The following AGRN variants were observed in gnomAD, a reference collection of about 807,000 sequenced individuals.
The protein encoded by AGRN is agrin proteoglycan.
AGRN carries 106 observed loss-of-function variants against 211.0 expected under a neutral mutation model. That is an observed-to-expected ratio of 0.50 (90% confidence interval 0.43 to 0.59). The LOEUF (loss-of-function observed/expected upper bound fraction) is 0.59. Among genes scored for constraint, AGRN ranks in the 20% least tolerant of loss-of-function variants. AGRN has a pLI of 0.00. For missense variants in AGRN, 3,040 were observed against 2,982.6 expected (o/e 1.02, Z -0.45); for synonymous variants, 1,525 against 1,332.5 (o/e 1.14, Z -3.15).
In AGRN at chr1:1,045,474, C is replaced by T; in HGVS notation, c.2487C>T (p.Gly829=). ...GGLRCDRCEP[G]FWNFRGIVTD... ...TCAGGTGTGACCGCTGTGAGCCTGG[C>T]TTCTGGAACTTTCGAGGCATCGTCA... Residue 829 remains glycine, a synonymous_variant, in exon 14 of 36, where the codon GGC becomes GGT. Transcript: ENST00000379370. 6.2e-7 allele frequency: 1 copy of T among 1,612,958 alleles called. No homozygotes were observed. The highest frequency in any genetic ancestry group is 8.5e-7 in the Non-Finnish European group (1 of 1,179,962).
intron 3 of AGRN, among the ~76,000 whole-genome samples, chr1:1,039,411 T>TGGCG (rs71576591): frequency 2.0e-5 from 3 of 148,436 alleles, no homozygotes; most frequent in African/African-American, 5.0e-5. Context: ...TCCTTGGAGA[T>TGGCG]GGGGGGGGTT....
intron 30 of AGRN, 41 bp from the exon 31 acceptor site, chr1:1,051,212 T>C (rs2100687207): frequency 6.4e-7 from 1 of 1,563,314 alleles, no homozygotes. Context: ...GTCTGCACCG[T>C]GGGTGGGCTC....
chr1:1,027,558 A>G (rs1468276508), intron 2 of AGRN, among the ~76,000 whole-genome samples: 1 of 152,232 alleles, frequency 6.6e-6, no homozygotes, highest in African/African-American at 2.4e-5. Context: ...CAAAGGGCCC[A>G]GGACCTTCTG....
Position 1,032,388 on chromosome 1 carries a change from G to A in AGRN, c.464-2889G>A, listed in dbSNP as rs1454882793. Among the ~76,000 whole-genome samples the A allele has an allele frequency of 1.3e-5, 2 of 152,182 alleles. No individual in the cohort carries two copies. Among genetic ancestry groups the A allele is most frequent in the African/African-American group, 4.8e-5 (2 of 41,426 alleles). On this transcript the variant is annotated intron_variant, in intron 2 of 35. Transcript: ENST00000379370. The surrounding 1 kb of genome is among the most constrained non-coding windows in gnomAD (Gnocchi z 4.7). Reference sequence around the variant, plus strand: ...CCTTCCCAGCTAAGGTGGGGTTGGTGGGATTTGGCTGGGGCCCTTGGAGGA... The same window carrying A: ...CCTTCCCAGCTAAGGTGGGGTTGGTAGGATTTGGCTGGGGCCCTTGGAGGA...
At chr1:1,041,023 GGGC>G (rs2100631424) in intron 4 of AGRN, 143 bp downstream of exon 4, 1 of 485,088 alleles carries the variant, frequency 2.1e-6, no homozygotes, top group African/African-American at 2.7e-5. Context: ...GGGGCCTGGG[GGGC>G]GGAGCGGGGC....
Position 1,051,485 on chromosome 1 carries a change from G to T in AGRN, c.5403G>T (p.Pro1801=). The T allele has an allele frequency of 6.4e-7, 1 of 1,570,314 alleles. No individual in the cohort carries two copies. The highest frequency in any genetic ancestry group is 2.3e-5 in the East Asian group (1 of 43,572). ...TCGGAGGCCGCCAGCTGCTGACCCC[G>T]GAGCACGTGCTGCGGCAGGTGGACG... ...VSLGGRQLLT[P]EHVLRQVDVT... Residue 1801 remains proline, a synonymous_variant, in exon 32 of 36, where the codon CCG becomes CCT. Transcript: ENST00000379370.
Position 1,050,085 on chromosome 1 carries a change from GT to G in AGRN, c.4879+51del, listed in dbSNP as rs566813074. The G allele has an allele frequency of 1.6e-3, 2,450 of 1,541,864 alleles. 37 individuals carry two copies. Among genetic ancestry groups the G allele is most frequent in the South Asian group, 0.016 (1,319 of 84,126 alleles). On this transcript the variant is annotated intron_variant, in intron 27 of 35. Transcript: ENST00000379370. ...GGCAGGGGGGGGGGGGGGGTTGAAC[GT>G]TTGGGCGGGTACAGGTTCCAGGTAG... is the stretch of plus-strand genomic sequence containing the variant.
At chr1:1,034,949 G>A (rs2100607823) in intron 2 of AGRN, 1 of 471,186 alleles carries the variant, frequency 2.1e-6, no homozygotes, top group Admixed American at 3.3e-5. Context: ...CGGCTACACT[G>A]AGAGCCGGCA....
In AGRN at chr1:1,046,593, G is replaced by T. The variant is rs754427917; in HGVS notation, c.3108G>T (p.Trp1036Cys). 1.9e-6 allele frequency: 3 copies of T among 1,606,746 alleles called. No individual in the cohort carries two copies. The East Asian group carries it at 6.7e-5, about 36-fold the overall frequency. ...CCAGCGTCCCCAGGACCACCGTGTG[G>T]CCCGTGCTGACGGTGCCCCCCACGG... Reference protein sequence around the residue: ...TTASVPRTTVWPVLTVPPTAP... With the variant: ...TTASVPRTTVCPVLTVPPTAP... Residue 1036 changes from tryptophan (W) to cysteine (C), a missense_variant, in exon 18 of 36, where the codon TGG becomes TGT. Physicochemically the swap from Trp to Cys is radical, Grantham distance 215. Coordinates refer to ENST00000379370, the MANE Select transcript of AGRN (RefSeq NM_198576.4).
chr1:1,039,308 G>A (rs1644872353), intron 3 of AGRN, among the ~76,000 whole-genome samples: 4 of 151,914 alleles, frequency 2.6e-5, no homozygotes, highest in African/African-American at 9.7e-5. Context: ...GCCTTCTGGG[G>A]TGGGGGCAGG....
chr1:1,047,531 G>A, intron 20 of AGRN, 42 bp from the exon 21 acceptor site: 1 of 1,612,396 alleles, frequency 6.2e-7, no homozygotes, highest in South Asian at 1.1e-5. Flanking sequence ...GGGCAGCCCG[G>A]CTTGGGCGGC....
intron 35 of AGRN, 95 bp downstream of exon 35, chr1:1,054,646 G>T: frequency 1.3e-6 from 2 of 1,497,634 alleles, no homozygotes; most frequent in Non-Finnish European, 9.0e-7. Context: ...TTGAGTCAGG[G>T]TGCATGTGAG....
At chr1:1,035,117 C>G (rs895364070) in intron 2 of AGRN, 160 bp from the exon 3 acceptor site, 1 of 810,598 alleles carries the variant, frequency 1.2e-6, no homozygotes, top group Non-Finnish European at 2.1e-6. Flanking sequence ...CTCAGCCAGC[C>G]CATGGGGTCA....
intron 2 of AGRN, among the ~76,000 whole-genome samples, chr1:1,026,161 A>G (rs1644517182): frequency 6.6e-6 from 1 of 152,110 alleles, no homozygotes; most frequent in Admixed American, 6.5e-5. Flanking sequence ...CCCAGAGAAC[A>G]GCCCTGGCTC....
chr1:1,020,749 G>A (rs1644379747), intron 1 of AGRN, among the ~76,000 whole-genome samples: 1 of 150,430 alleles, frequency 6.6e-6, no homozygotes, highest in Non-Finnish European at 1.5e-5. Flanking sequence ...CTCCCCAGAG[G>A]CCTTTCCCGG....
chr1:1,047,744 C>T (rs2488999), intron 21 of AGRN, 32 bp from the exon 22 acceptor site: 4 of 1,611,242 alleles, frequency 2.5e-6, no homozygotes, highest in South Asian at 1.1e-5. Flanking sequence ...ATGCCTGGGG[C>T]TCTGCCATGC....
rs1157313110 is a variant in AGRN, at chr1:1,051,654, G to A, written c.5563+9G>A. On this transcript the variant is annotated intron_variant, in intron 32 of 35. Coordinates refer to ENST00000379370, the MANE Select transcript of AGRN (RefSeq NM_198576.4). ...ACCGCACTGCGAGAAGGGTGAGCCT[G>A]GCACAGGGCAGGGGGCGGAGGCCGG... The A allele has an allele frequency of 6.2e-7, 1 of 1,612,672 alleles. No individual in the cohort carries two copies. Among genetic ancestry groups the A allele is most frequent in the Non-Finnish European group, 8.5e-7 (1 of 1,179,774 alleles).
At position 1,051,301 on chromosome 1, in the gene AGRN, G is replaced by A. The variant is rs867244068; in HGVS notation, c.5302G>A (p.Ala1768Thr). ...NLKEPLYVGG[A>T]PDFSKLARAA... ...GAAGGAGCCGCTCTACGTAGGGGGC[G>A]CTCCCGACTTCAGCAAGCTGGCCCG... Residue 1768 changes from alanine (A) to threonine (T), a missense_variant, in exon 31 of 36, where the codon GCT becomes ACT. By Grantham distance (58) the Ala-to-Thr change is moderately conservative. Around this residue, in one of 3 missense-constraint regions of AGRN, gnomAD observed 1,537 missense variants for 1,505.0 expected, o/e 1.02. Coordinates refer to ENST00000379370, the MANE Select transcript of AGRN (RefSeq NM_198576.4). 1.3e-6 allele frequency: 2 copies of A among 1,572,732 alleles called. No individual in the cohort carries two copies. Among genetic ancestry groups the A allele is most frequent in the African/African-American group, 1.3e-5 (1 of 74,294 alleles).
At position 1,053,417 on chromosome 1, in the gene AGRN, G is replaced by A. The variant is rs564226272; in HGVS notation, c.5652-336G>A. ...GTTGAGATGGGTTTGCATTGGCCCC[G>A]CCTGTCCCCTGCTCACCCGCCTCCC... On this transcript the variant is annotated intron_variant, in intron 33 of 35. Coordinates refer to ENST00000379370, the MANE Select transcript of AGRN (RefSeq NM_198576.4). 6.0e-5 allele frequency: 83 copies of A among 1,374,692 alleles called. No homozygotes were observed. The South Asian group carries it at 7.8e-4, about 13-fold the overall frequency. The allele number at this position is 1,374,692 out of a possible 1,614,324, so 85.2% of individuals were successfully genotyped here.
Sources: allele counts gnomAD v4.1 joint callset (sites outside exome capture counted in the v4.1 genomes callset), GRCh38; gene constraint gnomAD v4.1.1; regional missense constraint gnomAD v4.1.1; non-coding constraint Gnocchi (gnomAD v3.1); transcripts MANE v1.5; gene names NCBI Gene and HGNC (gene_info 2026-07-23, HGNC 2026-07-21).